The following TPRG1L variants were observed in gnomAD, a reference collection of about 807,000 sequenced individuals.
TPRG1L encodes the protein tumor protein p63 regulated 1 like, also known as tumor protein p63-regulated gene 1-like protein.
In TPRG1L, 25 loss-of-function variants were observed where a neutral mutation model predicts 29.4. That is an observed-to-expected ratio of 0.85 (90% CI 0.62 to 1.19). The LOEUF (loss-of-function observed/expected upper bound fraction) is 1.19. Ranked by LOEUF, TPRG1L falls within the 50% of genes most tolerant of loss-of-function variation. The pLI, the probability that TPRG1L is intolerant of heterozygous loss-of-function variation, is 0.00. For missense variants in TPRG1L, 354 were observed against 364.4 expected (o/e 0.97, Z 0.23); for synonymous variants, 182 against 151.1 (o/e 1.20, Z -1.50).
rs959021340 is a variant in TPRG1L, at chr1:3,629,220, A to G, written c.*617A>G. 3.3e-5 allele frequency: 5 copies of G among 152,176 alleles called. No homozygotes were observed. Among genetic ancestry groups the G allele is most frequent in the African/African-American group, 1.2e-4 (5 of 41,444 alleles). The allele number at this position is 152,176 out of a possible 1,614,324, so 9.4% of individuals were successfully genotyped here. ...GACCTGAAGTGACACTTTTTCCACAATTAACCCAAGTTGTGTTAATACTTC... is the reference window on the plus strand; with the variant it reads ...GACCTGAAGTGACACTTTTTCCACAGTTAACCCAAGTTGTGTTAATACTTC... On this transcript the variant is annotated 3_prime_UTR_variant, in exon 5 of 5. Coordinates refer to ENST00000378344, the MANE Select transcript of TPRG1L (RefSeq NM_182752.4).
At position 3,629,278 on chromosome 1, in the gene TPRG1L, G is replaced by A. The variant is rs1644509050; in HGVS notation, c.*675G>A. ...TTTCCCAGACCCAGAAAGCTTTACA[G>A]AAAATCATTGTAAGACAATTTATTA... On this transcript the variant is annotated 3_prime_UTR_variant, in exon 5 of 5. Coordinates refer to ENST00000378344, the MANE Select transcript of TPRG1L (RefSeq NM_182752.4). The A allele has an allele frequency of 1.3e-5, 2 of 152,312 alleles. No individual in the cohort carries two copies. Among genetic ancestry groups the A allele is most frequent in the African/African-American group, 2.4e-5 (1 of 41,566 alleles). 9.4% of individuals were successfully genotyped at this position (152,312 alleles called of 1,614,324 possible).
chr1:3,625,469 C>A lies in TPRG1L; in HGVS notation c.247C>A (p.Arg83=), dbSNP rs767492294. The change falls in exon 2 of 5, where the codon CGG becomes AGG. Residue 83 remains arginine, a synonymous_variant. Transcript: ENST00000378344. ...AGTGGAGGAGATCCGCGTGGTGGTG[C>A]GGCCCGTGGAGGACGGCGAGATCCA... ...QAVEEIRVVV[R]PVEDGEIQGV... The A allele has an allele frequency of 6.2e-7, 1 of 1,607,296 alleles. No individual in the cohort carries two copies.
At position 3,628,578 on chromosome 1, in the gene TPRG1L, T is replaced by C. The variant is rs765417167; in HGVS notation, c.794T>C (p.Met265Thr). Residue 265 changes from methionine (M) to threonine (T), a missense_variant, in exon 5 of 5, where the codon ATG becomes ACG. Physicochemically the swap from Met to Thr is moderately conservative, Grantham distance 81. Coordinates refer to ENST00000378344, the MANE Select transcript of TPRG1L (RefSeq NM_182752.4). ...AACGAGGCGAAACTGGGCTACTCCA[T>C]GACCAGGGGCAAAATAGGCTTTTAG... Reference protein sequence around the residue: ...INNEAKLGYSMTRGKIGF With the variant: ...INNEAKLGYSTTRGKIGF 8.1e-6 allele frequency: 13 copies of C among 1,607,502 alleles called. No individual in the cohort carries two copies. In the South Asian group the frequency reaches 9.9e-5, roughly 12 times the overall value.
chr1:3,627,406 T>C, intron 3 of TPRG1L, 94 bp from the exon 4 acceptor site: 1 of 1,419,780 alleles, frequency 7.0e-7, no homozygotes, highest in African/African-American at 1.4e-5. Context: ...TGCTTTTTGC[T>C]GTCATATTCT....
chr1:3,625,207 ACT>A lies in TPRG1L; in HGVS notation c.138_139del (p.Trp47AlafsTer58), dbSNP rs1233964869. ...GGGCGGGGACGCCGCTGCGCCAGAC[ACT>A]CTGGCCTCTCAGCATCCACGACCCC... is the stretch of plus-strand genomic sequence containing the variant. ...PGAGTPLRQTLWPLSIHDPTR... is the reference protein window; with the variant it reads ...PGAGTPLRQTXWPLSIHDPTR... On this transcript the variant is annotated frameshift_variant, in exon 1 of 5. Transcript: ENST00000378344. LOFTEE classifies it high-confidence loss of function. 3 of 1,325,276 alleles carry A rather than the reference ACT, an allele frequency of 2.3e-6. No individual in the cohort carries two copies. The highest frequency in any genetic ancestry group is 8.4e-5 in the Admixed American group (2 of 23,944). The allele number at this position is 1,325,276 out of a possible 1,614,324, so 82.1% of individuals were successfully genotyped here.
intron 4 of TPRG1L, 134 bp downstream of exon 4, chr1:3,627,787 A>G (rs892540870): frequency 2.7e-6 from 3 of 1,111,890 alleles, no homozygotes; most frequent in African/African-American, 1.6e-5. Context: ...GTGGCTAGAA[A>G]TGAGAGAGGA....
chr1:3,625,713 G>A lies in TPRG1L; in HGVS notation c.294G>A (p.Glu98=). The A allele has an allele frequency of 6.2e-7, 1 of 1,611,664 alleles. No homozygotes were observed. The highest frequency in any genetic ancestry group is 1.1e-5 in the South Asian group (1 of 90,806). ...ACTGAGGCCCCTCCTCTGCCTACAG[G>A]GTGGATCACTGGAACAATGAGAAGG... The part of the protein sequence containing the change: ...GEIQGVWLLT[E]VDHWNNEKER... The change falls in exon 3 of 5, where the codon GAG becomes GAA. Residue 98 remains glutamate, a splice_region_variant and synonymous_variant. Coordinates refer to ENST00000378344, the MANE Select transcript of TPRG1L (RefSeq NM_182752.4).
chr1:3,628,533 G>A lies in TPRG1L; in HGVS notation c.749G>A (p.Gly250Glu). 6.2e-7 allele frequency: 1 copy of A among 1,613,694 alleles called. No individual in the cohort carries two copies. The highest frequency in any genetic ancestry group is 8.5e-7 in the Non-Finnish European group (1 of 1,179,810). Residue 250 changes from glycine (G) to glutamate (E), a missense_variant, in exon 5 of 5, where the codon GGA becomes GAA. Physicochemically the swap from Gly to Glu is moderately conservative, Grantham distance 98. Transcript: ENST00000378344. ...ERPLLIETYVGLMSFINNEAK... is the reference protein window; with the variant it reads ...ERPLLIETYVELMSFINNEAK... ...CCCCTGCTCATCGAGACCTACGTGGGACTCATGTCCTTCATTAACAACGAG... is the reference window on the plus strand; with the variant it reads ...CCCCTGCTCATCGAGACCTACGTGGAACTCATGTCCTTCATTAACAACGAG...
At position 3,628,605 on chromosome 1, in the gene TPRG1L, C is replaced by T. The variant is rs373521272; in HGVS notation, c.*2C>T. ...ACCAGGGGCAAAATAGGCTTTTAGCCGCTGCGTTCTGGGAGCTCCTCCCCC... is the reference window on the plus strand; with the variant it reads ...ACCAGGGGCAAAATAGGCTTTTAGCTGCTGCGTTCTGGGAGCTCCTCCCCC... On this transcript the variant is annotated 3_prime_UTR_variant, in exon 5 of 5. Transcript: ENST00000378344. 5.2e-5 allele frequency: 83 copies of T among 1,589,994 alleles called. No individual in the cohort carries two copies. The highest frequency in any genetic ancestry group is 1.6e-4 in the African/African-American group (12 of 73,702).
rs1478751594 is a variant in TPRG1L at position 3,625,705 on chromosome 1, G to A, written c.294-8G>A. On this transcript the variant is annotated splice_polypyrimidine_tract_variant and splice_region_variant and intron_variant, in intron 2 of 4. Transcript: ENST00000378344. The stretch of plus-strand genomic sequence containing the variant: ...CAGTGTGGACTGAGGCCCCTCCTCT[G>A]CCTACAGGGTGGATCACTGGAACAA... 3.1e-6 allele frequency: 5 copies of A among 1,608,988 alleles called. No homozygotes were observed. The South Asian group carries it at 5.5e-5, about 18-fold the overall frequency.
intron 3 of TPRG1L, 128 bp from the exon 4 acceptor site, chr1:3,627,372 T>G (rs1292775802): frequency 2.0e-6 from 2 of 996,202 alleles, no homozygotes; most frequent in Admixed American, 4.4e-5. Flanking sequence ...TTGTGATATG[T>G]CATAGGTCTT....
At chr1:3,627,039 G>A (rs987011096) in intron 3 of TPRG1L, among the ~76,000 whole-genome samples, 2 of 152,190 alleles carry the variant, frequency 1.3e-5, no homozygotes, top group Non-Finnish European at 2.9e-5. Flanking sequence ...GGCCAGGCAC[G>A]GTGGCTCACG....
intron 3 of TPRG1L, 34 bp from the exon 4 acceptor site, chr1:3,627,466 A>T (rs761204370): frequency 1.2e-6 from 2 of 1,612,394 alleles, no homozygotes; most frequent in East Asian, 4.5e-5. Context: ...GTGGCCTGCC[A>T]TGCTAAGTCT....
intron 3 of TPRG1L, among the ~76,000 whole-genome samples, chr1:3,626,996 G>A (rs540160343): frequency 6.6e-6 from 1 of 152,300 alleles, no homozygotes; most frequent in South Asian, 2.1e-4. Context: ...AATTGTTAGT[G>A]GAGATTGAAG....
chr1:3,625,589 C>T lies in TPRG1L; in HGVS notation c.293+74C>T, dbSNP rs1644480170. 3 of 1,563,170 alleles carry T rather than the reference C, an allele frequency of 1.9e-6. No individual in the cohort carries two copies. The African/African-American group carries it at 4.0e-5, about 21-fold the overall frequency. ...CCGCGCAGCACCTTGCGAGGACTTC[C>T]CGGGGTGCTCGTGCCACGCTCAGGC... is the stretch of plus-strand genomic sequence containing the variant. On this transcript the variant is annotated intron_variant, in intron 2 of 4. Coordinates refer to ENST00000378344, the MANE Select transcript of TPRG1L (RefSeq NM_182752.4).
At position 3,625,027 on chromosome 1, in the gene TPRG1L, G is replaced by A. The variant is rs1644472151; in HGVS notation, c.-46G>A. ...GGGTGGTGGCGGTGGCTGCGGCGAC[G>A]GCGGTCGCGTCGGCGTCAGGGTCGG... On this transcript the variant is annotated 5_prime_UTR_variant, in exon 1 of 5. Transcript: ENST00000378344. 7 of 1,185,090 alleles carry A rather than the reference G, an allele frequency of 5.9e-6. No homozygotes were observed. Among genetic ancestry groups the A allele is most frequent in the Admixed American group, 4.6e-5 (1 of 21,634 alleles). 73.4% of individuals were successfully genotyped at this position (1,185,090 alleles called of 1,614,324 possible).
chr1:3,627,583 A>C lies in TPRG1L; in HGVS notation c.554A>C (p.Asn185Thr), dbSNP rs1203957797. The part of the protein sequence containing the change: ...FINRWNPWST[N>T]VPYATFTEHP... ...AACAGATGGAATCCCTGGTCTACCA[A>C]CGTGCCCTATGCCACTTTCACAGAA... Residue 185 changes from asparagine (N) to threonine (T), a missense_variant, in exon 4 of 5, where the codon AAC (asparagine) becomes ACC (threonine). Transcript: ENST00000378344. The C allele has an allele frequency of 1.2e-6, 2 of 1,614,096 alleles. No homozygotes were observed. Among genetic ancestry groups the C allele is most frequent in the South Asian group, 2.2e-5 (2 of 91,092 alleles).
At position 3,625,567 on chromosome 1, in the gene TPRG1L, C is replaced by T. The variant is rs767938768; in HGVS notation, c.293+52C>T. On this transcript the variant is annotated intron_variant, in intron 2 of 4. Transcript: ENST00000378344. Reference sequence around the variant, plus strand: ...TGGGGGGACTCGCCCCGAGCCGCCGCGCAGCACCTTGCGAGGACTTCCCGG... The same window carrying T: ...TGGGGGGACTCGCCCCGAGCCGCCGTGCAGCACCTTGCGAGGACTTCCCGG... 12 of 1,575,308 alleles carry T rather than the reference C, an allele frequency of 7.6e-6. No homozygotes were observed. The African/African-American group carries it at 1.5e-4, about 19-fold the overall frequency.
chr1:3,627,394 T>C, intron 3 of TPRG1L, 106 bp from the exon 4 acceptor site: 2 of 1,276,008 alleles, frequency 1.6e-6, no homozygotes, highest in Non-Finnish European at 2.2e-6. Flanking sequence ...TCTGTAAACG[T>C]GTGCTTTTTG....
Sources: gnomAD v4.1 joint callset for allele counts (sites outside exome capture counted in the v4.1 genomes callset) on GRCh38, gnomAD v4.1.1 for gene constraint, MANE v1.5 for transcripts, NCBI Gene and HGNC (gene_info 2026-07-23, HGNC 2026-07-21) for gene names.